The following MGAT4C variants were observed in gnomAD, a reference collection of about 807,000 sequenced individuals.
MGAT4C encodes the protein alpha-1,3-mannosyl-glycoprotein 4-beta-N-acetylglucosaminyltransferase C.
MGAT4C carries 19 observed loss-of-function variants against 40.1 expected under a neutral mutation model. The ratio of observed to expected loss-of-function variants is 0.47; its 90% CI spans 0.33 to 0.70. The LOEUF (loss-of-function observed/expected upper bound fraction) is 0.70, where lower values mean the gene tolerates loss of function less well. MGAT4C is among the 30% of genes least tolerant of loss of function. The pLI is 0.02. For synonymous variants in MGAT4C, 181 were observed against 187.1 expected, an observed-to-expected ratio of 0.97 and a Z score of 0.27; for missense variants, 491 against 563.2, an observed-to-expected ratio of 0.87 and a Z score of 1.30.
intron 1 of MGAT4C, among the ~76,000 whole-genome samples, chr12:86,191,261 G>A (rs564752262): frequency 6.6e-6 from 1 of 152,014 alleles, no homozygotes; most frequent in African/African-American, 2.4e-5. Context: ...TAGAATTGGT[G>A]CTCTAATCTG....
At chr12:85,980,853 G>A (rs1884509033) in intron 4 of MGAT4C, among the ~76,000 whole-genome samples, 1 of 151,992 alleles carries the variant, frequency 6.6e-6, no homozygotes, top group Non-Finnish European at 1.5e-5. Flanking sequence ...AAAAGAGAAG[G>A]GCATTCACAG....
chr12:86,004,226 A>T (rs777415718), intron 2 of MGAT4C, among the ~76,000 whole-genome samples: 5 of 152,180 alleles, frequency 3.3e-5, no homozygotes, highest in Non-Finnish European at 7.4e-5. Context: ...AAGATACTTT[A>T]ACTTTCCCTA....
At position 86,485,910 on chromosome 12, in the gene MGAT4C, C is replaced by T. The variant is rs114836719; in HGVS notation, c.-228-50645G>A. On this transcript the variant is annotated intron_variant, in intron 2 of 7. Coordinates refer to the MGAT4C transcript ENST00000548651. Reference sequence around the variant, plus strand: ...AGAAACTTTACAAGCCAGAAGACATCGGGGCCTATTTTTAGCATCTCTAAA... The same window carrying T: ...AGAAACTTTACAAGCCAGAAGACATTGGGGCCTATTTTTAGCATCTCTAAA... 3.5e-3 allele frequency among the ~76,000 whole-genome samples: 532 copies of T among 152,184 alleles called. 3 individuals are homozygous for T. Among genetic ancestry groups the T allele is most frequent in the African/African-American group, 0.012 (512 of 41,534 alleles).
intron 2 of MGAT4C, among the ~76,000 whole-genome samples, chr12:86,496,103 T>G (rs1018304624): frequency 2.6e-5 from 4 of 152,102 alleles, no homozygotes; most frequent in African/African-American, 9.6e-5. Flanking sequence ...TCTCGGTGAT[T>G]GTCTTTCTAT....
intron 2 of MGAT4C, among the ~76,000 whole-genome samples, chr12:86,467,433 G>T (rs977940334): frequency 1.3e-4 from 20 of 152,122 alleles, no homozygotes; most frequent in African/African-American, 4.6e-4. Context: ...ACTGTAATAT[G>T]AAAGAGAAAA....
intron 3 of MGAT4C, among the ~76,000 whole-genome samples, chr12:86,379,424 A>G (rs1406688453): frequency 6.6e-6 from 1 of 152,148 alleles, no homozygotes; most frequent in Non-Finnish European, 1.5e-5. Context: ...CTGCCTTGAT[A>G]GTTGAACAGG....
At chr12:86,257,051 C>CAATAATGTTAAAT (rs1952540039), upstream of MGAT4C, among the ~76,000 whole-genome samples, 1 of 152,100 alleles carries the variant, frequency 6.6e-6, no homozygotes. Context: ...ATCACTAATA[C>CAATAATGTTAAAT]AATAATGTTA....
At chr12:86,276,122 A>AG in intron 4 of MGAT4C, among the ~76,000 whole-genome samples, 1 of 151,762 alleles carries the variant, frequency 6.6e-6, no homozygotes, top group East Asian at 1.9e-4. Context: ...CGTCAAAAAA[A>AG]AAAAAGAAAA....
chr12:86,571,534 G>A (rs1960364273), intron 2 of MGAT4C, among the ~76,000 whole-genome samples: 1 of 152,014 alleles, frequency 6.6e-6, no homozygotes, highest in African/African-American at 2.4e-5. Flanking sequence ...TGCTTATACA[G>A]TCTTTAACAA....
At chr12:86,224,060 G>A (rs577175772) in intron 1 of MGAT4C, among the ~76,000 whole-genome samples, 8 of 152,216 alleles carry the variant, frequency 5.3e-5, no homozygotes, top group African/African-American at 1.9e-4. Context: ...GAATTGGCCC[G>A]TGTGTACCTA....
chr12:86,758,055 A>G (rs946320355), intron 1 of MGAT4C, among the ~76,000 whole-genome samples: 5 of 152,184 alleles, frequency 3.3e-5, no homozygotes, highest in African/African-American at 1.2e-4. Flanking sequence ...AGAACATATT[A>G]TATTGAGCAC....
At chr12:86,141,662 A>G (rs1369977183) in intron 1 of MGAT4C, among the ~76,000 whole-genome samples, 4 of 152,174 alleles carry the variant, frequency 2.6e-5, no homozygotes, top group African/African-American at 9.7e-5. Context: ...GCTGAAATAT[A>G]AAATGCTATT....
At chr12:86,733,058 A>G (rs944166002) in intron 1 of MGAT4C, among the ~76,000 whole-genome samples, 1 of 152,136 alleles carries the variant, frequency 6.6e-6, no homozygotes, top group African/African-American at 2.4e-5. Context: ...AGAATGAAAA[A>G]TTAAATCAGT....
rs182020904 is a variant in MGAT4C, at chr12:85,967,712, G to T, written c.*11577C>A. The T allele has an allele frequency of 3.8e-4, 58 of 152,110 alleles. No individual in the cohort carries two copies. The highest frequency in any genetic ancestry group is 1.4e-3 in the African/African-American group (57 of 41,536). 9.4% of individuals were successfully genotyped at this position (152,110 alleles called of 1,614,324 possible). A position where few individuals can be genotyped will look rare whatever the true frequency, so the allele number is the denominator to read the frequency against. On this transcript the variant is annotated 3_prime_UTR_variant, in exon 5 of 5. Coordinates refer to ENST00000611864, the MANE Select transcript of MGAT4C (RefSeq NM_001351288.2). ...ATAGATGATCAGATTTTTTAAAAGT[G>T]ATTTTAATTAAATGGACATGTTTCT...
chr12:86,635,639 G>C (rs1240501770), intron 2 of MGAT4C, among the ~76,000 whole-genome samples: 1 of 150,802 alleles, frequency 6.6e-6, no homozygotes, highest in Admixed American at 6.6e-5. Flanking sequence ...CATTTTTACT[G>C]TACCTTTTCT....
chr12:85,986,020 T>C (rs955554733), intron 3 of MGAT4C, among the ~76,000 whole-genome samples: 3 of 152,220 alleles, frequency 2.0e-5, no homozygotes, highest in Admixed American at 2.0e-4. Flanking sequence ...CTAGAAATTT[T>C]GTGTTATAAG....
At chr12:86,035,248 T>C (rs1176414833) in intron 2 of MGAT4C, among the ~76,000 whole-genome samples, 1 of 150,270 alleles carries the variant, frequency 6.7e-6, no homozygotes, top group Non-Finnish European at 1.5e-5. Context: ...TTCCTAACTT[T>C]TTAATGATCA....
intron 1 of MGAT4C, among the ~76,000 whole-genome samples, chr12:86,051,418 G>A (rs1490847926): frequency 6.6e-6 from 1 of 151,856 alleles, no homozygotes; most frequent in Non-Finnish European, 1.5e-5. Context: ...CAGGACTTTA[G>A]AATCCCATTA....
At chr12:86,352,967 T>C (rs945459766) in intron 3 of MGAT4C, among the ~76,000 whole-genome samples, 3 of 150,698 alleles carry the variant, frequency 2.0e-5, no homozygotes, top group Non-Finnish European at 4.4e-5. Context: ...TGTATACATA[T>C]GTAACAAACC....
Sources: gnomAD v4.1 joint callset for allele counts (sites outside exome capture counted in the v4.1 genomes callset) on GRCh38, gnomAD v4.1.1 for gene constraint, MANE v1.5 for transcripts, NCBI Gene and HGNC (gene_info 2026-07-23, HGNC 2026-07-21) for gene names.